The following ERBB4 variants were observed in gnomAD, a reference collection of about 807,000 sequenced individuals.
ERBB4 encodes erb-b2 receptor tyrosine kinase 4.
Under a neutral mutation model 158.0 loss-of-function variants are expected in ERBB4, and 42 were observed. The ratio of observed to expected loss-of-function variants is 0.27; its 90% CI spans 0.21 to 0.34. The LOEUF (loss-of-function observed/expected upper bound fraction) is 0.34, where lower values mean the gene tolerates loss of function less well. Among genes scored for constraint, ERBB4 ranks in the 10% least tolerant of loss-of-function variants. The probability of loss-of-function intolerance (pLI) is 1.00; values close to 1 mark genes in which losing one functional copy is unlikely to be tolerated. For synonymous variants in ERBB4, 583 were observed against 558.7 expected (o/e 1.04, Z -0.61); for missense variants, 1,333 against 1,624.1 (o/e 0.82, Z 3.08).
At chr2:211,706,414 G>A (rs1315568284) in intron 9 of ERBB4, among the ~76,000 whole-genome samples, 1 of 151,974 alleles carries the variant, frequency 6.6e-6, no homozygotes, top group Non-Finnish European at 1.5e-5. Flanking sequence ...AAACAGATAG[G>A]CATATGGCCT....
chr2:212,483,745 T>C (rs1300307087), intron 1 of ERBB4, among the ~76,000 whole-genome samples: 4 of 149,252 alleles, frequency 2.7e-5, no homozygotes, highest in Non-Finnish European at 4.4e-5. Context: ...GTCATCATGG[T>C]CTTTTTTTTG....
intron 19 of ERBB4, among the ~76,000 whole-genome samples, chr2:211,600,098 G>A (rs548952473): frequency 6.9e-4 from 105 of 152,260 alleles, no homozygotes; most frequent in Non-Finnish European, 1.2e-3. Context: ...TGAGATTATT[G>A]AATGGCTGAA....
chr2:212,477,433 C>T (rs977530027), intron 1 of ERBB4, among the ~76,000 whole-genome samples: 1 of 152,136 alleles, frequency 6.6e-6, no homozygotes, highest in Non-Finnish European at 1.5e-5. Context: ...ATGTGCAGTA[C>T]ACCCTCAGGA....
rs555246899 is a variant in ERBB4 at position 212,469,108 on chromosome 2, C to T, written c.82+69341G>A. Among the ~76,000 whole-genome samples, 29 of 152,236 alleles carry T rather than the reference C, an allele frequency of 1.9e-4. No individual in the cohort carries two copies. The South Asian group carries it at 6.0e-3, about 32-fold the overall frequency. ...AAGAAATAGATTTCTTTCTTTATAT[C>T]ATTTAACTCACTAAAAAGAAGTGAT... is the stretch of plus-strand genomic sequence containing the variant. On this transcript the variant is annotated intron_variant, in intron 1 of 27. Coordinates refer to ENST00000342788, the MANE Select transcript of ERBB4 (RefSeq NM_005235.3).
chr2:211,426,539 C>T (rs1186177443), intron 22 of ERBB4, among the ~76,000 whole-genome samples: 1 of 152,062 alleles, frequency 6.6e-6, no homozygotes, highest in African/African-American at 2.4e-5. Context: ...TTTTGCTGAA[C>T]AGTTCCTGGG....
intron 1 of ERBB4, among the ~76,000 whole-genome samples, chr2:212,388,484 C>T (rs1175518147): frequency 6.6e-6 from 1 of 152,022 alleles, no homozygotes; most frequent in Non-Finnish European, 1.5e-5. Flanking sequence ...GTTCTTCGTG[C>T]TGTTATACCT....
At chr2:212,229,088 G>A (rs1260987734) in intron 1 of ERBB4, among the ~76,000 whole-genome samples, 1 of 152,204 alleles carries the variant, frequency 6.6e-6, no homozygotes, top group East Asian at 1.9e-4. Context: ...GAGAGACAGA[G>A]CACTGTAAGT....
At chr2:212,309,461 A>C (rs2086940995) in intron 1 of ERBB4, among the ~76,000 whole-genome samples, 1 of 150,880 alleles carries the variant, frequency 6.6e-6, no homozygotes, top group African/African-American at 2.4e-5. Flanking sequence ...TAAAATAAAG[A>C]CAATGAGAAT....
intron 1 of ERBB4, among the ~76,000 whole-genome samples, chr2:212,195,720 ATACT>A (rs2082407557): frequency 6.6e-6 from 1 of 152,086 alleles, no homozygotes; most frequent in African/African-American, 2.4e-5. Flanking sequence ...CCATATCCCT[ATACT>A]TAATCTGTAT....
At chr2:212,318,215 G>T (rs1476797696) in intron 1 of ERBB4, among the ~76,000 whole-genome samples, 1 of 151,504 alleles carries the variant, frequency 6.6e-6, no homozygotes, top group Non-Finnish European at 1.5e-5. Context: ...AAATGAAAAA[G>T]CCTTTGTGCT....
intron 20 of ERBB4, among the ~76,000 whole-genome samples, chr2:211,449,279 T>C (rs1300791910): frequency 1.3e-5 from 2 of 152,182 alleles, no homozygotes; most frequent in East Asian, 3.8e-4. Context: ...CTGAAACTGG[T>C]ATGAAAATAA....
At chr2:212,419,452 G>C (rs780975324) in intron 1 of ERBB4, among the ~76,000 whole-genome samples, 2 of 151,812 alleles carry the variant, frequency 1.3e-5, no homozygotes, top group African/African-American at 2.4e-5. Context: ...CAAAACAAAA[G>C]AGAGGGATTT....
rs182609708 is a variant in ERBB4 at position 211,578,890 on chromosome 2, G to A, written c.2302-16802C>T. On this transcript the variant is annotated intron_variant, in intron 19 of 27. Coordinates refer to ENST00000342788, the MANE Select transcript of ERBB4 (RefSeq NM_005235.3). ...AGGCAATACCATTCAGGACATAGGC[G>A]TGGGTAAAGATTTCATGAAATCACC... Among the ~76,000 whole-genome samples the A allele has an allele frequency of 7.9e-5, 12 of 152,110 alleles. No homozygotes were observed. The East Asian group carries it at 1.4e-3, about 17-fold the overall frequency.
chr2:212,415,388 A>G lies in ERBB4; in HGVS notation c.82+123061T>C, dbSNP rs561403670. 2.0e-5 allele frequency among the ~76,000 whole-genome samples: 3 copies of G among 152,314 alleles called. No individual in the cohort carries two copies. The East Asian group carries it at 5.8e-4, about 29-fold the overall frequency. On this transcript the variant is annotated intron_variant, in intron 1 of 27. Transcript: ENST00000342788. ...GAAAATACTATTAATGAAAAATAGTAGTGTAACTAAAAATAATTTAAATAG... is the reference window on the plus strand; with the variant it reads ...GAAAATACTATTAATGAAAAATAGTGGTGTAACTAAAAATAATTTAAATAG...
chr2:211,426,286 C>G (rs2063625701), intron 22 of ERBB4, among the ~76,000 whole-genome samples: 1 of 152,140 alleles, frequency 6.6e-6, no homozygotes, highest in Non-Finnish European at 1.5e-5. Flanking sequence ...TCGAATTTTA[C>G]TTGCAATTCC....
intron 1 of ERBB4, among the ~76,000 whole-genome samples, chr2:212,505,508 C>A (rs1181543037): frequency 7.8e-6 from 1 of 128,462 alleles, no homozygotes; most frequent in Non-Finnish European, 1.9e-5. Context: ...TGGAAAGTAT[C>A]ATTGGGAAAC....
intron 3 of ERBB4, among the ~76,000 whole-genome samples, chr2:211,894,378 A>G (rs6726534): frequency 0.11 from 14,903 of 140,608 alleles, 889 homozygotes; most frequent in South Asian, 0.23. Context: ...ACATGGACAC[A>G]GGAAGGGGAA....
At chr2:211,577,009 A>T (rs1229964143) in intron 19 of ERBB4, among the ~76,000 whole-genome samples, 1 of 152,274 alleles carries the variant, frequency 6.6e-6, no homozygotes, top group Non-Finnish European at 1.5e-5. Context: ...AAAGCAAGTT[A>T]TTCACTCTGT....
intron 3 of ERBB4, among the ~76,000 whole-genome samples, chr2:211,821,882 G>T (rs1467646841): frequency 6.6e-6 from 1 of 151,902 alleles, no homozygotes; most frequent in Non-Finnish European, 1.5e-5. Flanking sequence ...CTAAATGTAA[G>T]ACCAGAAAGT....
Sources: gnomAD v4.1 joint callset for allele counts (sites outside exome capture counted in the v4.1 genomes callset) on GRCh38, gnomAD v4.1.1 for gene constraint, MANE v1.5 for transcripts, NCBI Gene and HGNC (gene_info 2026-07-23, HGNC 2026-07-21) for gene names.